Variants in FHIT observed in about 807,000 individuals in gnomAD.
FHIT encodes fragile histidine triad diadenosine triphosphatase.
A neutral mutation model predicts 17.9 loss-of-function variants in FHIT; 19 were observed. That is an observed-to-expected ratio of 1.06 (90% CI 0.74 to 1.56). FHIT has a LOEUF of 1.56. FHIT is among the 40% of genes most tolerant of loss of function. The probability of loss-of-function intolerance (pLI) is 0.00; values close to 1 mark genes in which losing one functional copy is unlikely to be tolerated. For synonymous variants in FHIT, 81 were observed against 69.7 expected, an observed-to-expected ratio of 1.16 and a Z score of -0.81; for missense variants, 248 against 189.2, an observed-to-expected ratio of 1.31 and a Z score of -1.82.
chr3:60,492,275 C>T (rs1040925407), intron 5 of FHIT, among the ~76,000 whole-genome samples: 7 of 152,282 alleles, frequency 4.6e-5, no homozygotes, highest in Non-Finnish European at 8.8e-5. Context: ...AAACATTCAG[C>T]ATTTAAAATA....
chr3:60,777,986 G>A (rs1700262627), intron 4 of FHIT, among the ~76,000 whole-genome samples: 1 of 152,128 alleles, frequency 6.6e-6, no homozygotes, highest in African/African-American at 2.4e-5. Context: ...CCTGGTACAT[G>A]GCTTTTCAAA....
chr3:60,780,821 G>C lies in FHIT; in HGVS notation c.-18+41098C>G, dbSNP rs114693760. On this transcript the variant is annotated intron_variant, in intron 4 of 9. Transcript: ENST00000492590. ...GCCTGTGCACTAGAGTAGAGCCTCAGAAAGTTCACCATGTTTGCACTGGGG... is the reference window on the plus strand; with the variant it reads ...GCCTGTGCACTAGAGTAGAGCCTCACAAAGTTCACCATGTTTGCACTGGGG... Among the ~76,000 whole-genome samples the C allele has an allele frequency of 3.0e-3, 450 of 152,298 alleles. 4 individuals are homozygous for C. The highest frequency in any genetic ancestry group is 7.5e-3 in the South Asian group (36 of 4,824).
At chr3:60,359,227 C>G (rs554324824) in intron 5 of FHIT, among the ~76,000 whole-genome samples, 26 of 150,104 alleles carry the variant, frequency 1.7e-4, no homozygotes, top group Non-Finnish European at 3.0e-4. Flanking sequence ...GGATACAAAA[C>G]TGAGAAAATT....
At chr3:59,977,065 T>G (rs1708446388) in intron 7 of FHIT, among the ~76,000 whole-genome samples, 2 of 152,114 alleles carry the variant, frequency 1.3e-5, no homozygotes, top group Non-Finnish European at 2.9e-5. Context: ...TGTGCTTTTA[T>G]CCATAGAGCT....
intron 7 of FHIT, among the ~76,000 whole-genome samples, chr3:59,943,272 T>A (rs536678574): frequency 6.6e-6 from 1 of 152,114 alleles, no homozygotes; most frequent in African/African-American, 2.4e-5. Context: ...ATTTGCAGGT[T>A]GACAGAGTCA....
intron 4 of FHIT, among the ~76,000 whole-genome samples, chr3:60,681,973 AT>A (rs34153115): frequency 0.086 from 12,461 of 144,868 alleles, 537 homozygotes; most frequent in East Asian, 0.11. Flanking sequence ...TAAACAGCAG[AT>A]TTTTTTTTTT....
At chr3:60,382,097 C>G (rs1262042961) in intron 5 of FHIT, among the ~76,000 whole-genome samples, 1 of 152,180 alleles carries the variant, frequency 6.6e-6, no homozygotes, top group East Asian at 1.9e-4. Context: ...GTAACATTTT[C>G]TAACTTACCA....
chr3:60,451,408 C>T lies in FHIT; in HGVS notation c.103+85452G>A, dbSNP rs35704552. Among the ~76,000 whole-genome samples the T allele has an allele frequency of 4.4e-3, 672 of 152,202 alleles. 2 individuals carry two copies. The highest frequency in any genetic ancestry group is 0.01 in the Middle Eastern group (3 of 294). On this transcript the variant is annotated intron_variant, in intron 5 of 9. Coordinates refer to ENST00000492590, the MANE Select transcript of FHIT (RefSeq NM_002012.4). ...TGAACATCCCCCCACTTCAATAACC[C>T]GAATAAACTCATCTCCTTAATGGAC... is the stretch of plus-strand genomic sequence containing the variant.
At chr3:60,524,776 C>A (rs1367730876) in intron 5 of FHIT, among the ~76,000 whole-genome samples, 3 of 152,166 alleles carry the variant, frequency 2.0e-5, no homozygotes, top group Non-Finnish European at 2.9e-5. Context: ...CTCCCTGTCT[C>A]ACTCTTATAA....
At position 60,582,634 on chromosome 3, in the gene FHIT, A is replaced by G. The variant is rs186074890; in HGVS notation, c.-17-45655T>C. On this transcript the variant is annotated intron_variant, in intron 4 of 9. Coordinates refer to ENST00000492590, the MANE Select transcript of FHIT (RefSeq NM_002012.4). ...GATGGAGTATTTGGGATAAAAAAAA[A>G]TGTGTATTCTATGTGAAGATACTGC... is the stretch of plus-strand genomic sequence containing the variant. Among the ~76,000 whole-genome samples the G allele has an allele frequency of 4.0e-5, 6 of 151,716 alleles. No individual in the cohort carries two copies. The East Asian group carries it at 9.8e-4, about 25-fold the overall frequency.
chr3:60,532,425 AAGG>A (rs1402932686), intron 5 of FHIT, among the ~76,000 whole-genome samples: 6 of 152,212 alleles, frequency 3.9e-5, no homozygotes, highest in Non-Finnish European at 8.8e-5. Context: ...GAGTGGGGGT[AAGG>A]AGAAGTATTA....
chr3:60,757,019 C>A (rs1219315698), intron 4 of FHIT, among the ~76,000 whole-genome samples: 1 of 151,566 alleles, frequency 6.6e-6, no homozygotes, highest in Non-Finnish European at 1.5e-5. Context: ...AAAACAAAAA[C>A]AAAACAAACA....
At chr3:59,905,360 G>T (rs1210917715) in intron 8 of FHIT, among the ~76,000 whole-genome samples, 1 of 152,210 alleles carries the variant, frequency 6.6e-6, no homozygotes, top group African/African-American at 2.4e-5. Context: ...CAGAATGGGG[G>T]TGATACCAGT....
At chr3:60,173,910 TA>T (rs1701538327) in intron 5 of FHIT, among the ~76,000 whole-genome samples, 2 of 82,100 alleles carry the variant, frequency 2.4e-5, no homozygotes, top group Non-Finnish European at 4.5e-5. Flanking sequence ...TATATATATA[TA>T]TATATGTTTT....
At chr3:61,211,642 G>C (rs560114600) in intron 1 of FHIT, among the ~76,000 whole-genome samples, 2 of 152,222 alleles carry the variant, frequency 1.3e-5, no homozygotes, top group Non-Finnish European at 2.9e-5. Context: ...TGACAGCTTT[G>C]AAGAGAGCAG....
intron 5 of FHIT, among the ~76,000 whole-genome samples, chr3:60,027,441 C>T (rs1700798090): frequency 1.3e-5 from 2 of 152,170 alleles, no homozygotes; most frequent in Non-Finnish European, 2.9e-5. Context: ...GGGAATCAGA[C>T]ATCGGCCCCA....
intron 5 of FHIT, among the ~76,000 whole-genome samples, chr3:60,117,981 G>T (rs765226171): frequency 2.0e-5 from 3 of 152,140 alleles, no homozygotes; most frequent in Non-Finnish European, 2.9e-5. Flanking sequence ...TAAAAGATGG[G>T]ATTCTGACCT....
intron 5 of FHIT, among the ~76,000 whole-genome samples, chr3:60,215,210 G>A (rs771215092): frequency 3.7e-4 from 57 of 152,072 alleles, no homozygotes; most frequent in Non-Finnish European, 6.2e-4. Context: ...AAAAAAAATA[G>A]GCTGGGCCTG....
chr3:60,854,555 A>AT (rs35428632), intron 3 of FHIT, among the ~76,000 whole-genome samples: 44,790 of 138,324 alleles, frequency 0.32, 9,719 homozygotes, highest in African/African-American at 0.6. Flanking sequence ...GCCTACTTCT[A>AT]TTTTTTTTTT....
Sources: gnomAD v4.1 joint callset for allele counts (sites outside exome capture counted in the v4.1 genomes callset) on GRCh38, gnomAD v4.1.1 for gene constraint, MANE v1.5 for transcripts, NCBI Gene and HGNC (gene_info 2026-07-23, HGNC 2026-07-21) for gene names.